The following DLGAP2 variants were observed in gnomAD, a reference collection of about 807,000 sequenced individuals.
DLGAP2 encodes DLG associated protein 2.
DLGAP2 carries 26 observed loss-of-function variants against 100.3 expected under a neutral mutation model. That is an observed-to-expected ratio of 0.26 (90% CI 0.19 to 0.36). The LOEUF is 0.36. Among genes scored for constraint, DLGAP2 ranks in the 10% least tolerant of loss-of-function variants. The pLI, the probability that DLGAP2 is intolerant of heterozygous loss-of-function variation, is 1.00. For synonymous variants in DLGAP2, 886 were observed against 630.1 expected (o/e 1.41, Z -6.08); for missense variants, 1,858 against 1,453.2 (o/e 1.28, Z -4.53).
intron 3 of DLGAP2, among the ~76,000 whole-genome samples, chr8:1,306,924 T>G (rs1438645278): frequency 6.6e-6 from 1 of 151,994 alleles, no homozygotes; most frequent in Non-Finnish European, 1.5e-5. Context: ...ACATAAGAGC[T>G]AAACCTGTAA....
chr8:1,559,357 C>A lies in DLGAP2; in HGVS notation c.1231-6326C>A, dbSNP rs532827298. On this transcript the variant is annotated intron_variant, in intron 5 of 14. Coordinates refer to ENST00000637795, the MANE Select transcript of DLGAP2 (RefSeq NM_001346810.2). ...GGCTGAGGGCTGCAGGGTTCGAATG[C>A]TGTAACATAACGGAGAGAGATTTGT... 2.0e-5 allele frequency among the ~76,000 whole-genome samples: 3 copies of A among 152,276 alleles called. No homozygotes were observed. The East Asian group carries it at 5.8e-4, about 29-fold the overall frequency.
chr8:969,948 A>G (rs1223870799), intron 2 of DLGAP2, among the ~76,000 whole-genome samples: 5 of 152,354 alleles, frequency 3.3e-5, no homozygotes, highest in African/African-American at 9.6e-5. Flanking sequence ...TTAATATTCA[A>G]AACTATTATC....
intron 3 of DLGAP2, among the ~76,000 whole-genome samples, chr8:1,285,830 G>A (rs770026769): frequency 9.9e-5 from 15 of 152,212 alleles, no homozygotes; most frequent in East Asian, 1.9e-4. Flanking sequence ...TGAGCTGGGC[G>A]TAGTGGCACA....
chr8:1,607,347 T>C (rs867316260), intron 6 of DLGAP2, among the ~76,000 whole-genome samples: 1 of 152,216 alleles, frequency 6.6e-6, no homozygotes, highest in Admixed American at 6.5e-5. Context: ...GACACCCATA[T>C]CCTGGAGGAC....
At chr8:972,810 T>G (rs1479511994) in intron 2 of DLGAP2, among the ~76,000 whole-genome samples, 2 of 151,954 alleles carry the variant, frequency 1.3e-5, no homozygotes, top group Non-Finnish European at 2.9e-5. Flanking sequence ...GATTAGGGAG[T>G]GGTGATGACT....
intron 3 of DLGAP2, among the ~76,000 whole-genome samples, chr8:1,326,604 C>T (rs565373780): frequency 2.0e-5 from 3 of 151,896 alleles, no homozygotes; most frequent in African/African-American, 7.3e-5. Context: ...GGCGCGTGCT[C>T]GGTCTCAGTC....
At chr8:1,341,236 A>C (rs1419349425) in intron 3 of DLGAP2, among the ~76,000 whole-genome samples, 1 of 152,182 alleles carries the variant, frequency 6.6e-6, no homozygotes, top group Non-Finnish European at 1.5e-5. Flanking sequence ...TGTAAAATCA[A>C]AGTTAAAAAA....
At chr8:1,300,022 GTCTCTTCCTGAAAGACCCTGA>G (rs1216033841) in intron 3 of DLGAP2, 1 of 152,166 alleles carries the variant, frequency 6.6e-6, no homozygotes, top group East Asian at 1.9e-4. Context: ...ACAGGCTGGT[GTCTCTTCCTGAAAGACCCTGA>G]TCCATTCAGA....
intron 3 of DLGAP2, among the ~76,000 whole-genome samples, chr8:1,417,252 G>A (rs1030288523): frequency 9.4e-5 from 13 of 138,376 alleles, no homozygotes; most frequent in Admixed American, 7.4e-5. Context: ...TGGGGAGACC[G>A]GCATTCATTT....
At chr8:1,189,903 G>C (rs539895569) in intron 2 of DLGAP2, among the ~76,000 whole-genome samples, 3 of 152,186 alleles carry the variant, frequency 2.0e-5, no homozygotes, top group African/African-American at 7.2e-5. Flanking sequence ...GGTAACTCAC[G>C]GCTTTGGGTG....
intron 2 of DLGAP2, among the ~76,000 whole-genome samples, chr8:1,079,937 A>G (rs1243666965): frequency 1.3e-5 from 2 of 152,220 alleles, no homozygotes; most frequent in Non-Finnish European, 2.9e-5. Context: ...GCAGTGTAAC[A>G]GTGCTGGAAT....
chr8:1,498,267 G>A (rs1799607827), intron 3 of DLGAP2, among the ~76,000 whole-genome samples: 1 of 151,742 alleles, frequency 6.6e-6, no homozygotes, highest in Non-Finnish European at 1.5e-5. Flanking sequence ...GATGGTAAGT[G>A]TTTCTTATCA....
chr8:1,079,004 A>G (rs79282919), intron 2 of DLGAP2, among the ~76,000 whole-genome samples: 4,889 of 152,236 alleles, frequency 0.032, 209 homozygotes, highest in East Asian at 0.14. Flanking sequence ...TGGCTGCACC[A>G]TTTTGTACTC....
At chr8:1,239,628 C>T (rs1481917181) in intron 2 of DLGAP2, among the ~76,000 whole-genome samples, 151 of 35,404 alleles carry the variant, frequency 4.3e-3, no homozygotes, top group Non-Finnish European at 6.0e-3. Context: ...TCTCACATGG[C>T]GCCGTGTCTA....
intron 6 of DLGAP2, among the ~76,000 whole-genome samples, chr8:1,601,004 G>A (rs1044633312): frequency 1.3e-4 from 20 of 152,242 alleles, no homozygotes; most frequent in Admixed American, 4.6e-4. Context: ...TCATCTTCAT[G>A]GATTTATCTA....
intron 1 of DLGAP2, among the ~76,000 whole-genome samples, chr8:798,120 G>A (rs546605630): frequency 6.6e-6 from 1 of 152,342 alleles, no homozygotes; most frequent in East Asian, 1.9e-4. Flanking sequence ...TCAGTTTCTT[G>A]TCTGTCAGCT....
At position 1,683,652 on chromosome 8, in the gene DLGAP2, G is replaced by A. The variant is rs564622136; in HGVS notation, c.2704+5023G>A. ...TGGGGAGGAAGAGAGGGAAGCAGGA[G>A]GATGGGCTGTCTTAGCGAACAGGAT... is the stretch of plus-strand genomic sequence containing the variant. On this transcript the variant is annotated intron_variant, in intron 12 of 14. Coordinates refer to ENST00000637795, the MANE Select transcript of DLGAP2 (RefSeq NM_001346810.2). Among the ~76,000 whole-genome samples, 13 of 149,390 alleles carry A rather than the reference G, an allele frequency of 8.7e-5. No homozygotes were observed. The East Asian group carries it at 2.4e-3, about 27-fold the overall frequency.
intron 2 of DLGAP2, among the ~76,000 whole-genome samples, chr8:1,191,658 T>C (rs1338127512): frequency 1.3e-5 from 2 of 152,164 alleles, no homozygotes; most frequent in Non-Finnish European, 2.9e-5. Flanking sequence ...CAGACAAAGC[T>C]TCAAAACATT....
chr8:1,248,220 G>A (rs1197494191), intron 2 of DLGAP2, among the ~76,000 whole-genome samples: 2 of 54,860 alleles, frequency 3.6e-5, no homozygotes, highest in African/African-American at 9.6e-5. Flanking sequence ...GATGGTCCAT[G>A]TCGGTGGCCG....
Sources: gnomAD v4.1 joint callset for allele counts (sites outside exome capture counted in the v4.1 genomes callset) on GRCh38, gnomAD v4.1.1 for gene constraint, MANE v1.5 for transcripts, NCBI Gene and HGNC (gene_info 2026-07-23, HGNC 2026-07-21) for gene names.